LRP11: variants seen among roughly 807,000 people sequenced by gnomAD.
LRP11 encodes low-density lipoprotein receptor-related protein 11.
Under a neutral mutation model 43.1 loss-of-function variants are expected in LRP11, and 25 were observed. The observed-to-expected ratio is 0.58, with a 90% CI of 0.42 to 0.81. The LOEUF is 0.81. Among genes scored for constraint, LRP11 ranks in the 30% least tolerant of loss-of-function variants. The pLI is 0.00. For missense variants in LRP11, 623 were observed against 665.1 expected, an observed-to-expected ratio of 0.94 and a Z score of 0.70; for synonymous variants, 316 against 299.4, an observed-to-expected ratio of 1.06 and a Z score of -0.57.
chr6:149,821,781 G>A (rs1776281240), intron 6 of LRP11, among the ~76,000 whole-genome samples: 1 of 152,232 alleles, frequency 6.6e-6, no homozygotes. Flanking sequence ...GGTAGAACTA[G>A]AGGAGAAACA....
chr6:149,828,905 C>T (rs1044333190), intron 5 of LRP11, among the ~76,000 whole-genome samples: 2 of 152,098 alleles, frequency 1.3e-5, no homozygotes, highest in South Asian at 2.1e-4. Context: ...ATATAGAAAA[C>T]ATTACTGTGT....
At chr6:149,826,846 CAAGT>C (rs1269041292) in intron 5 of LRP11, among the ~76,000 whole-genome samples, 1 of 152,090 alleles carries the variant, frequency 6.6e-6, no homozygotes, top group Non-Finnish European at 1.5e-5. Flanking sequence ...TAGGTTCACA[CAAGT>C]AAGTGGGTCA....
intron 3 of LRP11, chr6:149,842,630 C>T (rs1168143708): frequency 6.4e-7 from 1 of 1,550,768 alleles, no homozygotes; most frequent in Admixed American, 2.0e-5. Context: ...TTTCACTAAA[C>T]TCCTTAGCTT....
Position 149,820,659 on chromosome 6 carries a change from G to A in LRP11, c.1393C>T (p.Leu465=), listed in dbSNP as rs1204494359. 1.3e-6 allele frequency: 1 copy of A among 780,936 alleles called. No individual in the cohort carries two copies. Among genetic ancestry groups the A allele is most frequent in the African/African-American group, 1.7e-5 (1 of 59,140 alleles). 48.4% of individuals were successfully genotyped at this position (780,936 alleles called of 1,614,324 possible). A position where few individuals can be genotyped will look rare whatever the true frequency, so the allele number is the denominator to read the frequency against. The change falls in exon 7 of 7, where the codon CTG becomes TTG. Residue 465 remains leucine, a synonymous_variant. Transcript: ENST00000239367. ...AGTCGGCATGCAACCATGAGAAGCA[G>A]CAGAGCAGTGATAGCCAAACCCAGC... ...LALGLAITAL[L]LLMVACRLRL... is the part of the protein sequence containing the mutation.
intron 5 of LRP11, 56 bp downstream of exon 5, chr6:149,836,029 C>T (rs1583081150): frequency 2.0e-6 from 3 of 1,465,372 alleles, no homozygotes; most frequent in Non-Finnish European, 2.9e-6. Flanking sequence ...AATTGTGAGC[C>T]AAGTTTGGCT....
At chr6:149,836,729 A>C (rs571095386) in intron 4 of LRP11, among the ~76,000 whole-genome samples, 1 of 152,098 alleles carries the variant, frequency 6.6e-6, no homozygotes, top group South Asian at 2.1e-4. Context: ...TGGGAGAAAC[A>C]CCTAAGGCTG....
At chr6:149,845,705 G>A (rs946246491) in intron 2 of LRP11, among the ~76,000 whole-genome samples, 1 of 151,870 alleles carries the variant, frequency 6.6e-6, no homozygotes, top group Non-Finnish European at 1.5e-5. Flanking sequence ...AAGTCAGTCT[G>A]AGACAGGACA....
At chr6:149,846,045 G>T (rs1424455022) in intron 2 of LRP11, among the ~76,000 whole-genome samples, 3 of 152,136 alleles carry the variant, frequency 2.0e-5, no homozygotes, top group Non-Finnish European at 2.9e-5. Flanking sequence ...CTGAGCTCTG[G>T]GAAGACCAGG....
At chr6:149,857,546 G>A (rs1293240588) in intron 1 of LRP11, among the ~76,000 whole-genome samples, 2 of 151,344 alleles carry the variant, frequency 1.3e-5, no homozygotes, top group Non-Finnish European at 2.9e-5. Context: ...GATGGTAACA[G>A]CCCTTTCCCC....
rs1392036289 is a variant in LRP11, at chr6:149,864,105, C to T, written c.-85G>A. On this transcript the variant is annotated 5_prime_UTR_variant, in exon 1 of 7. Coordinates refer to ENST00000239367, the MANE Select transcript of LRP11 (RefSeq NM_032832.6). Reference sequence around the variant, plus strand: ...ACGCGGGCGAGCGCGGGCCCTGGGCCCCTCCTGCGCGGCCGCGGCTGGCTC... The same window carrying T: ...ACGCGGGCGAGCGCGGGCCCTGGGCTCCTCCTGCGCGGCCGCGGCTGGCTC... 2.5e-6 allele frequency: 3 copies of T among 1,197,058 alleles called. No homozygotes were observed. Among genetic ancestry groups the T allele is most frequent in the South Asian group, 4.1e-5 (1 of 24,400 alleles). The allele number at this position is 1,197,058 out of a possible 1,614,324, so 74.2% of individuals were successfully genotyped here.
chr6:149,836,412 C>G (rs545910939), intron 4 of LRP11, 115 bp from the exon 5 acceptor site: 1 of 838,590 alleles, frequency 1.2e-6, no homozygotes, highest in Non-Finnish European at 1.9e-6. Context: ...TAACAGCCCA[C>G]TCATCTAAGA....
intron 2 of LRP11, among the ~76,000 whole-genome samples, chr6:149,848,550 T>A (rs1776673399): frequency 6.6e-6 from 1 of 152,152 alleles, no homozygotes; most frequent in Non-Finnish European, 1.5e-5. Flanking sequence ...TATGCAGCCA[T>A]ACAAAACAAC....
chr6:149,863,949 C>T lies in LRP11; in HGVS notation c.72G>A (p.Gly24=). The T allele has an allele frequency of 2.8e-6, 4 of 1,447,852 alleles. No homozygotes were observed. The South Asian group carries it at 5.4e-5, about 20-fold the overall frequency. The allele number at this position is 1,447,852 out of a possible 1,614,324, so 89.7% of individuals were successfully genotyped here. The part of the protein sequence containing the change: ...RLPPRHGALR[G]LLLLCLWLPS... ...GCAGCCACAGGCAGAGCAGTAGCAG[C>T]CCGCGCAGCGCCCCGTGACGCGGCG... The change falls in exon 1 of 7, where the codon GGG becomes GGA. Residue 24 remains glycine (G), a synonymous_variant. Coordinates refer to ENST00000239367, the MANE Select transcript of LRP11 (RefSeq NM_032832.6).
intron 2 of LRP11, among the ~76,000 whole-genome samples, chr6:149,852,235 T>C (rs181592511): frequency 6.6e-6 from 1 of 152,332 alleles, no homozygotes. Flanking sequence ...AGATTTGTTT[T>C]TGTTTTGGTT....
intron 4 of LRP11, among the ~76,000 whole-genome samples, 170 bp from the exon 5 acceptor site, chr6:149,836,467 G>A (rs1776473027): frequency 6.6e-6 from 1 of 152,170 alleles, no homozygotes; most frequent in Admixed American, 6.5e-5. Flanking sequence ...TTTCAAATGG[G>A]TAATCTGTTC....
At position 149,839,065 on chromosome 6, in the gene LRP11, T is replaced by TTG. The variant is rs536320060; in HGVS notation, c.914-1603_914-1602insCA. On this transcript the variant is annotated intron_variant, in intron 3 of 6. Transcript: ENST00000239367. ...ACATACACTTGGTTTTTTTTTGTTT[T>TTG]TTTTTTTTTTGTAGATACAGGGTGT... Among the ~76,000 whole-genome samples, 531 of 151,766 alleles carry TTG rather than the reference T, an allele frequency of 3.5e-3. 3 individuals carry two copies. The highest frequency in any genetic ancestry group is 0.012 in the African/African-American group (504 of 41,384).
At position 149,863,468 on chromosome 6, in the gene LRP11, T is replaced by C. The variant is rs1776968475; in HGVS notation, c.553A>G (p.Ser185Gly). 2.2e-6 allele frequency: 3 copies of C among 1,339,290 alleles called. No individual in the cohort carries two copies. Among genetic ancestry groups the C allele is most frequent in the Admixed American group, 4.0e-5 (1 of 25,242 alleles). 83.0% of individuals were successfully genotyped at this position (1,339,290 alleles called of 1,614,324 possible). Residue 185 changes from serine to glycine, a missense_variant, in exon 1 of 7, where the codon AGC becomes GGC. Transcript: ENST00000239367. ...GCGCCGTCCGGCGCGCGGCTGAGGC[T>C]GTAGCTGCTGTAGCCGCTGTGCAGC... ...FALHSGYSSYSLSRAPDGAAL... is the reference protein window; with the variant it reads ...FALHSGYSSYGLSRAPDGAAL...
intron 1 of LRP11, among the ~76,000 whole-genome samples, chr6:149,860,399 T>C (rs1490915495): frequency 2.0e-5 from 3 of 151,776 alleles, no homozygotes; most frequent in South Asian, 2.1e-4. Context: ...CTTCTACCTC[T>C]CCTCCCTCCC....
chr6:149,829,353 G>A (rs1776379842), intron 5 of LRP11, among the ~76,000 whole-genome samples: 1 of 152,102 alleles, frequency 6.6e-6, no homozygotes, highest in Non-Finnish European at 1.5e-5. Flanking sequence ...TTGAGGTCAG[G>A]AGTTCGAGAC....
Sources: allele counts gnomAD v4.1 joint callset (sites outside exome capture counted in the v4.1 genomes callset), GRCh38; gene constraint gnomAD v4.1.1; transcripts MANE v1.5; gene names NCBI Gene and HGNC (gene_info 2026-07-23, HGNC 2026-07-21).